Variants in PCDHGA1 observed in about 807,000 individuals in gnomAD.
PCDHGA1 encodes the protein protocadherin gamma subfamily A, 1.
PCDHGA1 carries 32 observed loss-of-function variants against 58.0 expected under a neutral mutation model. The ratio of observed to expected loss-of-function variants is 0.55; its 90% CI spans 0.42 to 0.74. The LOEUF (loss-of-function observed/expected upper bound fraction) is 0.74, where lower values mean the gene tolerates loss of function less well. PCDHGA1 is among the 30% of genes least tolerant of loss of function. The pLI is 0.00. For synonymous variants in PCDHGA1, 498 were observed against 501.1 expected, an observed-to-expected ratio of 0.99 and a Z score of 0.08; for missense variants, 1,205 against 1,182.3, an observed-to-expected ratio of 1.02 and a Z score of -0.28.
At chr5:141,389,766 C>A (rs1217222336) in intron 1 of PCDHGA1, 1 of 1,613,060 alleles carries the variant, frequency 6.2e-7, no homozygotes, top group East Asian at 2.2e-5. Flanking sequence ...GCGCACAGCG[C>A]GTGCCTTAGG....
chr5:141,500,104 T>G (rs917633032), intron 2 of PCDHGA1, among the ~76,000 whole-genome samples: 4 of 152,124 alleles, frequency 2.6e-5, no homozygotes, highest in Non-Finnish European at 4.4e-5. Flanking sequence ...AATTTATTTG[T>G]TGAATCCCTG....
intron 1 of PCDHGA1, chr5:141,362,177 C>T (rs757621451): frequency 1.9e-6 from 3 of 1,613,916 alleles, no homozygotes; most frequent in Non-Finnish European, 2.5e-6. Flanking sequence ...CGCCGGGAGC[C>T]CTCTGACCCC....
intron 1 of PCDHGA1, chr5:141,384,805 G>T (rs1314252403): frequency 6.2e-7 from 1 of 1,613,506 alleles, no homozygotes; most frequent in Admixed American, 1.7e-5. Context: ...GCTGGACAGA[G>T]ATGCCCTCAA....
chr5:141,489,363 G>T lies in PCDHGA1; in HGVS notation c.2422-5444G>T, dbSNP rs767837736. 20 of 1,613,114 alleles carry T rather than the reference G, an allele frequency of 1.2e-5. No homozygotes were observed. Among genetic ancestry groups the T allele is most frequent in the Non-Finnish European group, 1.7e-5 (20 of 1,179,354 alleles). ...ACTCAGTGGTGGAGGAGTCTGAGCCGGGGACGCTGGTGGGGAATGTTGCTC... is the reference window on the plus strand; with the variant it reads ...ACTCAGTGGTGGAGGAGTCTGAGCCTGGGACGCTGGTGGGGAATGTTGCTC... On this transcript the variant is annotated intron_variant, in intron 1 of 3. Transcript: ENST00000517417. The surrounding 1 kb of genome is among the most constrained non-coding windows in gnomAD (Gnocchi z 4.5).
rs775051614 is a variant in PCDHGA1, at chr5:141,345,047, G to A, written c.2421+11942G>A. The A allele has an allele frequency of 6.8e-6, 11 of 1,613,828 alleles. 1 individual carries two copies. The South Asian group carries it at 1.1e-4, about 16-fold the overall frequency. ...GAGCCAAGATTCTAGTCACGGTTCT[G>A]GATGTGAATGACAATGCTCCAGAAA... On this transcript the variant is annotated intron_variant, in intron 1 of 3. Coordinates refer to ENST00000517417, the MANE Select transcript of PCDHGA1 (RefSeq NM_018912.3).
Position 141,372,509 on chromosome 5 carries a change from C to T in PCDHGA1, c.2421+39404C>T, listed in dbSNP as rs770630386. 11 of 1,614,056 alleles carry T rather than the reference C, an allele frequency of 6.8e-6. No homozygotes were observed. The South Asian group carries it at 9.9e-5, about 14-fold the overall frequency. On this transcript the variant is annotated intron_variant, in intron 1 of 3. Coordinates refer to ENST00000517417, the MANE Select transcript of PCDHGA1 (RefSeq NM_018912.3). Reference sequence around the variant, plus strand: ...CCTTGATCTCAGTGCTCTTCCTCCTCGCGGTGATTCTGGCAATCTCCCTGC... The same window carrying T: ...CCTTGATCTCAGTGCTCTTCCTCCTTGCGGTGATTCTGGCAATCTCCCTGC...
At chr5:141,371,597 A>C (rs982667859) in intron 1 of PCDHGA1, 7 of 1,613,908 alleles carry the variant, frequency 4.3e-6, no homozygotes, top group Non-Finnish European at 5.9e-6. Flanking sequence ...CCAAAAACAC[A>C]TACAGGTTGG....
In PCDHGA1 at chr5:141,351,738, A is replaced by G. The variant is rs1758802702; in HGVS notation, c.2421+18633A>G. 3.7e-6 allele frequency: 6 copies of G among 1,613,658 alleles called. No homozygotes were observed. The highest frequency in any genetic ancestry group is 4.2e-6 in the Non-Finnish European group (5 of 1,179,894). ...TACTCTATTCTGGCCAGTGACCTGG[A>G]GCCGCGGGAGCTGTTGTCCTACGTG... On this transcript the variant is annotated intron_variant, in intron 1 of 3. Transcript: ENST00000517417.
rs1223431294 is a variant in PCDHGA1, at chr5:141,490,280, C to T, written c.2422-4527C>T. ...GATGTGGGGGATGTCAATGACAATG[C>T]CCCAGAGGTGCTATTGGCCTCTTTG... On this transcript the variant is annotated intron_variant, in intron 1 of 3. Transcript: ENST00000517417. The surrounding 1 kb of genome is among the most constrained non-coding windows in gnomAD (Gnocchi z 5.4). The T allele has an allele frequency of 5.6e-6, 9 of 1,614,216 alleles. No individual in the cohort carries two copies. In the East Asian group the frequency reaches 1.8e-4, roughly 32 times the overall value.
At chr5:141,468,652 G>A (rs1206892693) in intron 1 of PCDHGA1, 2 of 149,062 alleles carry the variant, frequency 1.3e-5, no homozygotes, top group African/African-American at 2.5e-5. Context: ...GGATCACAAG[G>A]TCAGGAGATC....
At chr5:141,335,181 G>T (rs141511323) in intron 1 of PCDHGA1, among the ~76,000 whole-genome samples, 17 of 152,132 alleles carry the variant, frequency 1.1e-4, no homozygotes, top group African/African-American at 4.1e-4. Flanking sequence ...CTCACTTCTG[G>T]ACTTTCTCAG....
intron 1 of PCDHGA1, chr5:141,412,854 A>T (rs1356959630): frequency 4.5e-6 from 1 of 223,412 alleles, no homozygotes; most frequent in African/African-American, 2.3e-5. Context: ...GAGAAACCAA[A>T]GAATCTATGT....
intron 1 of PCDHGA1, chr5:141,390,389 G>C: frequency 7.1e-7 from 1 of 1,405,538 alleles, no homozygotes; most frequent in Non-Finnish European, 9.7e-7. Context: ...AGATGTCATG[G>C]ATCATTTTAG....
chr5:141,341,967 A>G (rs1302269794), intron 1 of PCDHGA1: 1 of 155,904 alleles, frequency 6.4e-6, no homozygotes, highest in Non-Finnish European at 1.4e-5. Context: ...CATTCCTTAC[A>G]GTGTTTCAGG....
intron 1 of PCDHGA1, among the ~76,000 whole-genome samples, chr5:141,435,698 A>G (rs954167256): frequency 1.3e-5 from 2 of 152,184 alleles, no homozygotes; most frequent in African/African-American, 4.8e-5. Context: ...CTTATTGTAG[A>G]GTGGTTACAG....
At chr5:141,388,893 G>C in intron 1 of PCDHGA1, 2 of 1,613,982 alleles carry the variant, frequency 1.2e-6, no homozygotes, top group South Asian at 2.2e-5. Flanking sequence ...AGAAGTCATA[G>C]ATGAAAATGA....
chr5:141,461,124 A>G (rs992107268), intron 1 of PCDHGA1, among the ~76,000 whole-genome samples: 1 of 151,978 alleles, frequency 6.6e-6, no homozygotes, highest in Admixed American at 6.6e-5. Context: ...TTTTTCATAT[A>G]ATTACTTATT....
intron 1 of PCDHGA1, among the ~76,000 whole-genome samples, chr5:141,335,131 T>G (rs533308883): frequency 1.2e-4 from 19 of 152,346 alleles, no homozygotes; most frequent in Admixed American, 9.8e-4. Context: ...TATTTTTTGC[T>G]TGGTACCAAG....
intron 1 of PCDHGA1, chr5:141,384,848 G>C (rs1373934020): frequency 1.2e-6 from 2 of 1,613,600 alleles, no homozygotes; most frequent in South Asian, 2.2e-5. Flanking sequence ...CAGGACCACG[G>C]TCAGCCTCCT....
Sources: gnomAD v4.1 joint callset for allele counts (sites outside exome capture counted in the v4.1 genomes callset) on GRCh38, gnomAD v4.1.1 for gene constraint, Gnocchi (gnomAD v3.1) non-coding constraint, MANE v1.5 for transcripts, NCBI Gene and HGNC (gene_info 2026-07-23, HGNC 2026-07-21) for gene names.